PKDCC: variants seen among roughly 807,000 people sequenced by gnomAD.
PKDCC encodes the protein protein kinase domain containing, cytoplasmic.
In PKDCC, 35 loss-of-function variants were observed where a neutral mutation model predicts 44.7. The observed-to-expected ratio is 0.78, with a 90% CI of 0.60 to 1.04. The LOEUF is 1.04. PKDCC is among the 50% of genes least tolerant of loss of function. The pLI is 0.00. For missense variants in PKDCC, 738 were observed against 672.7 expected (o/e 1.10, Z -1.07); for synonymous variants, 353 against 303.3 (o/e 1.16, Z -1.70).
At chr2:42,050,644 C>G (rs1667949147) in intron 1 of PKDCC, among the ~76,000 whole-genome samples, 1 of 152,190 alleles carries the variant, frequency 6.6e-6, no homozygotes, top group Non-Finnish European at 1.5e-5. Context: ...CCTCACCAAA[C>G]CAAGACCAGG....
chr2:42,049,552 G>T (rs1667933641), intron 1 of PKDCC, among the ~76,000 whole-genome samples: 2 of 152,168 alleles, frequency 1.3e-5, no homozygotes, highest in Admixed American at 1.3e-4. Context: ...GGCGGCCTGA[G>T]GATCTAAATG....
At position 42,048,495 on chromosome 2, in the gene PKDCC, GC is replaced by G; in HGVS notation, c.301del (p.Arg101GlyfsTer129). 9.5e-7 allele frequency: 1 copy of G among 1,054,164 alleles called. No homozygotes were observed. 65.3% of individuals were successfully genotyped at this position (1,054,164 alleles called of 1,614,324 possible). On this transcript the variant is annotated frameshift_variant, in exon 1 of 7. Coordinates refer to ENST00000294964, the MANE Select transcript of PKDCC (RefSeq NM_138370.3). LOFTEE classifies it high-confidence loss of function. The surrounding 1 kb of genome is among the most constrained non-coding windows in gnomAD (Gnocchi z 6.2). ...GCTCCGGGCGGGCCCGGCCTGCCGC[GC>G]CCCCGGCCCCCTTGGGCCCGGCCCC... is the stretch of plus-strand genomic sequence containing the variant. ...DLAPGGPGLP[R>X]PRPPWARPLS...
chr2:42,057,462 T>A (rs1668076337), intron 6 of PKDCC, 68 bp downstream of exon 6: 1 of 1,596,846 alleles, frequency 6.3e-7, no homozygotes, highest in African/African-American at 1.3e-5. Flanking sequence ...TAGATAGTGA[T>A]CCCCCATCGG....
In PKDCC at chr2:42,054,315, C is replaced by T; in HGVS notation, c.1034+8C>T. On this transcript the variant is annotated splice_region_variant and intron_variant, in intron 3 of 6. Transcript: ENST00000294964. This position sits in a 1 kb window ranked among gnomAD's most constrained non-coding sequence, Gnocchi z 6.1. ...CCTCTATAATGCCTACAGGTGACCT[C>T]CACCCCTGACTCGGGAACTCCATCG... is the stretch of plus-strand genomic sequence containing the variant. 1.9e-6 allele frequency: 3 copies of T among 1,591,594 alleles called. No individual in the cohort carries two copies. The highest frequency in any genetic ancestry group is 3.6e-4 in the Middle Eastern group (2 of 5,538).
At chr2:42,053,483 G>A (rs570224850) in intron 2 of PKDCC, 122 bp downstream of exon 2, 43 of 1,362,928 alleles carry the variant, frequency 3.2e-5, no homozygotes, top group Middle Eastern at 4.6e-4. Flanking sequence ...GGAGGAAGGC[G>A]CACAGGCTGA....
intron 1 of PKDCC, 57 bp from the exon 2 acceptor site, chr2:42,053,182 C>T: frequency 7.7e-7 from 1 of 1,293,374 alleles, no homozygotes; most frequent in Non-Finnish European, 1.1e-6. Context: ...CAGTCCAGCC[C>T]TTCCCTGTCC....
In PKDCC at chr2:42,055,073, C is replaced by T. The variant is rs1668030906; in HGVS notation, c.1114+53C>T. 1.9e-6 allele frequency: 3 copies of T among 1,542,092 alleles called. No homozygotes were observed. Among genetic ancestry groups the T allele is most frequent in the African/African-American group, 1.4e-5 (1 of 73,226 alleles). ...CAGGCACCTACCCCACCCCCACCCG[C>T]CAGCAAAAGTGGGGAGAAAAATAAC... On this transcript the variant is annotated intron_variant, in intron 4 of 6. Coordinates refer to ENST00000294964, the MANE Select transcript of PKDCC (RefSeq NM_138370.3). This position sits in a 1 kb window ranked among gnomAD's most constrained non-coding sequence, Gnocchi z 4.5.
At position 42,055,238 on chromosome 2, in the gene PKDCC, G is replaced by A; in HGVS notation, c.1115-48G>A. On this transcript the variant is annotated intron_variant, in intron 4 of 6. Transcript: ENST00000294964. The surrounding 1 kb of genome is among the most constrained non-coding windows in gnomAD (Gnocchi z 4.5). Reference sequence around the variant, plus strand: ...AGCAGCTGGCTGCTGACTTCAGGGAGGAGTGGGAGCCCCAGGCATCCTGTC... The same window carrying A: ...AGCAGCTGGCTGCTGACTTCAGGGAAGAGTGGGAGCCCCAGGCATCCTGTC... The A allele has an allele frequency of 6.5e-7, 1 of 1,541,422 alleles. No homozygotes were observed. The highest frequency in any genetic ancestry group is 1.2e-5 in the South Asian group (1 of 85,876).
Position 42,054,137 on chromosome 2 carries a change from T to G in PKDCC, c.864T>G (p.Asp288Glu). 1 of 1,613,308 alleles carries G rather than the reference T, an allele frequency of 6.2e-7. No homozygotes were observed. The highest frequency in any genetic ancestry group is 8.5e-7 in the Non-Finnish European group (1 of 1,179,766). Residue 288 changes from aspartate to glutamate, a missense_variant, in exon 3 of 7, where the codon GAT (aspartate) becomes GAG (glutamate). Coordinates refer to ENST00000294964, the MANE Select transcript of PKDCC (RefSeq NM_138370.3). The surrounding 1 kb of genome is among the most constrained non-coding windows in gnomAD (Gnocchi z 6.1). Reference protein sequence around the residue: ...DFRPRQFVLVDGELKVTDLDD... With the variant: ...DFRPRQFVLVEGELKVTDLDD... ...GCCCTCGGCAGTTTGTGCTGGTGGA[T>G]GGGGAGCTCAAAGTGACGGACCTGG...
At position 42,054,685 on chromosome 2, in the gene PKDCC, G is replaced by T. The variant is rs1390899924; in HGVS notation, c.1035-256G>T. ...GGAGTCAGTCAGGGGATAATGTGGG[G>T]CTGGGAGGTGGGCAAGTCCTGGGAA... On this transcript the variant is annotated intron_variant, in intron 3 of 6. Transcript: ENST00000294964. This position sits in a 1 kb window ranked among gnomAD's most constrained non-coding sequence, Gnocchi z 6.1. 3.5e-6 allele frequency: 2 copies of T among 573,704 alleles called. No homozygotes were observed. The highest frequency in any genetic ancestry group is 5.8e-5 in the East Asian group (2 of 34,568). 35.5% of individuals were successfully genotyped at this position (573,704 alleles called of 1,614,324 possible).
chr2:42,053,951 G>C, intron 2 of PKDCC, 85 bp from the exon 3 acceptor site: 1 of 1,521,408 alleles, frequency 6.6e-7, no homozygotes, highest in Non-Finnish European at 8.8e-7. Context: ...GCAAAGTTCA[G>C]ATTCCAAGAG....
rs1372927298 is a variant in PKDCC, at chr2:42,048,907, G to A, written c.639+69G>A. On this transcript the variant is annotated intron_variant, in intron 1 of 6. Coordinates refer to ENST00000294964, the MANE Select transcript of PKDCC (RefSeq NM_138370.3). The surrounding 1 kb of genome is among the most constrained non-coding windows in gnomAD (Gnocchi z 6.2). The stretch of plus-strand genomic sequence containing the variant: ...GCCCAAGACCTTGTCAACCTGGCTG[G>A]AAGAGAACCCCTTGATCTGGAGTGC... 16 of 1,371,736 alleles carry A rather than the reference G, an allele frequency of 1.2e-5. No individual in the cohort carries two copies. Among genetic ancestry groups the A allele is most frequent in the Non-Finnish European group, 1.5e-5 (16 of 1,057,732 alleles). 85.0% of individuals were successfully genotyped at this position (1,371,736 alleles called of 1,614,324 possible). A position where few individuals can be genotyped will look rare whatever the true frequency, so the allele number is the denominator to read the frequency against.
chr2:42,056,927 A>G (rs934468008), intron 5 of PKDCC, among the ~76,000 whole-genome samples: 2 of 152,168 alleles, frequency 1.3e-5, no homozygotes, highest in Non-Finnish European at 2.9e-5. Flanking sequence ...GTCCCTGTAT[A>G]TGTCTGTACC....
rs760527517 is a variant in PKDCC, at chr2:42,057,613, G to A, written c.1407G>A (p.Leu469=). The A allele has an allele frequency of 7.4e-6, 12 of 1,613,716 alleles. No individual in the cohort carries two copies. In the South Asian group the frequency reaches 1.1e-4, roughly 15 times the overall value. ...TNQTTWTGRQ[L]VFFKTGWSQV... is the part of the protein sequence containing the mutation. The stretch of plus-strand genomic sequence containing the variant: ...ACCTCTGCCCCCCAGGTCGGCAGCT[G>A]GTCTTTTTCAAGACTGGATGGAGCC... The change falls in exon 7 of 7, where the codon CTG becomes CTA. Residue 469 remains leucine, a synonymous_variant. Coordinates refer to ENST00000294964, the MANE Select transcript of PKDCC (RefSeq NM_138370.3).
Position 42,053,354 on chromosome 2 carries a change from G to C in PKDCC, c.755G>C (p.Arg252Pro), listed in dbSNP as rs1292375492. ...IQLLQTSWEDRFRICLSLGRL... is the reference protein window; with the variant it reads ...IQLLQTSWEDPFRICLSLGRL... ...CTGCTGCAAACTTCCTGGGAGGATC[G>C]ATTCCGAGTGAGCTCAGAGGAGGGC... Residue 252 changes from arginine (R) to proline (P), a missense_variant, in exon 2 of 7, where the codon CGA becomes CCA. Transcript: ENST00000294964. 1 of 1,611,450 alleles carries C rather than the reference G, an allele frequency of 6.2e-7. No homozygotes were observed. Among genetic ancestry groups the C allele is most frequent in the Non-Finnish European group, 8.5e-7 (1 of 1,178,648 alleles).
In PKDCC at chr2:42,048,166, C is replaced by A; in HGVS notation, c.-34C>A. Reference sequence around the variant, plus strand: ...CCGCCCGGGGCCGGGGCCGGGGAGCCGCGCGGGGCCGGCCGGCCGGGGGGA... The same window carrying A: ...CCGCCCGGGGCCGGGGCCGGGGAGCAGCGCGGGGCCGGCCGGCCGGGGGGA... On this transcript the variant is annotated 5_prime_UTR_variant, in exon 1 of 7. Coordinates refer to ENST00000294964, the MANE Select transcript of PKDCC (RefSeq NM_138370.3). This position sits in a 1 kb window ranked among gnomAD's most constrained non-coding sequence, Gnocchi z 6.2. The A allele has an allele frequency of 1.1e-5, 11 of 1,014,224 alleles. No homozygotes were observed. The highest frequency in any genetic ancestry group is 1.3e-5 in the Non-Finnish European group (11 of 861,892). The allele number at this position is 1,014,224 out of a possible 1,614,324, so 62.8% of individuals were successfully genotyped here.
At chr2:42,056,246 G>T (rs1329408046) in intron 5 of PKDCC, among the ~76,000 whole-genome samples, 1 of 152,102 alleles carries the variant, frequency 6.6e-6, no homozygotes, top group African/African-American at 2.4e-5. Flanking sequence ...GTCCAGAGCT[G>T]GGGCTCTCCA....
At position 42,057,723 on chromosome 2, in the gene PKDCC, C is replaced by G. The variant is rs751789323; in HGVS notation, c.*35C>G. 1 of 1,584,060 alleles carries G rather than the reference C, an allele frequency of 6.3e-7. No individual in the cohort carries two copies. The highest frequency in any genetic ancestry group is 2.2e-5 in the East Asian group (1 of 44,522). On this transcript the variant is annotated 3_prime_UTR_variant, in exon 7 of 7. Transcript: ENST00000294964. ...GGGCTCGGCTGACCAGCTGACTATC[C>G]TCAGCAGCTGGGCTTGCCTGTGGAG...
Position 42,055,067 on chromosome 2 carries a change from C to T in PKDCC, c.1114+47C>T, listed in dbSNP as rs372977163. The stretch of plus-strand genomic sequence containing the variant: ...TGCTTCCAGGCACCTACCCCACCCC[C>T]ACCCGCCAGCAAAAGTGGGGAGAAA... On this transcript the variant is annotated intron_variant, in intron 4 of 6. Coordinates refer to ENST00000294964, the MANE Select transcript of PKDCC (RefSeq NM_138370.3). This position sits in a 1 kb window ranked among gnomAD's most constrained non-coding sequence, Gnocchi z 4.5. 6.4e-7 allele frequency: 1 copy of T among 1,553,512 alleles called. No individual in the cohort carries two copies. The highest frequency in any genetic ancestry group is 1.4e-5 in the African/African-American group (1 of 73,744).
Sources: gnomAD v4.1 joint callset for allele counts (sites outside exome capture counted in the v4.1 genomes callset) on GRCh38, gnomAD v4.1.1 for gene constraint, Gnocchi (gnomAD v3.1) non-coding constraint, MANE v1.5 for transcripts, NCBI Gene and HGNC (gene_info 2026-07-23, HGNC 2026-07-21) for gene names.